The following STK33 variants were observed in gnomAD, a reference collection of about 807,000 sequenced individuals.
STK33 encodes the protein serine/threonine kinase 33.
STK33 carries 52 observed loss-of-function variants against 58.0 expected under a neutral mutation model. The ratio of observed to expected loss-of-function variants is 0.90; its 90% CI spans 0.72 to 1.13. STK33 has a LOEUF of 1.13. STK33 is among the 50% of genes most tolerant of loss of function. The pLI, the probability that STK33 is intolerant of heterozygous loss-of-function variation, is 0.00. For missense variants in STK33, 630 were observed against 604.2 expected, an observed-to-expected ratio of 1.04 and a Z score of -0.45; for synonymous variants, 215 against 200.1, an observed-to-expected ratio of 1.07 and a Z score of -0.63.
intron 15 of STK33, among the ~76,000 whole-genome samples, chr11:8,395,577 C>G (rs1849189852): frequency 6.6e-6 from 1 of 152,122 alleles, no homozygotes; most frequent in Non-Finnish European, 1.5e-5. Context: ...TCTTTTACAC[C>G]TTGACTTTTT....
chr11:8,428,549 T>C (rs1943044990), intron 14 of STK33, among the ~76,000 whole-genome samples: 1 of 152,072 alleles, frequency 6.6e-6, no homozygotes, highest in Non-Finnish European at 1.5e-5. Flanking sequence ...GGAACCAGAG[T>C]CTCCTCCAGC....
chr11:8,424,295 A>C (rs1942394150), intron 14 of STK33, among the ~76,000 whole-genome samples: 1 of 147,054 alleles, frequency 6.8e-6, no homozygotes, highest in Non-Finnish European at 1.5e-5. Context: ...AGCTTCATCC[A>C]TGTCCCTACA....
chr11:8,453,871 C>T (rs545247480), intron 10 of STK33, among the ~76,000 whole-genome samples: 2 of 152,240 alleles, frequency 1.3e-5, no homozygotes, highest in South Asian at 4.1e-4. Context: ...CATATGATAC[C>T]TATCTTTCTT....
At chr11:8,412,120 G>A (rs1201989962) in intron 15 of STK33, among the ~76,000 whole-genome samples, 3 of 152,150 alleles carry the variant, frequency 2.0e-5, no homozygotes, top group East Asian at 3.9e-4. Flanking sequence ...ATATGTAGAT[G>A]TATGTATGTG....
the STK33 span, among the ~76,000 whole-genome samples, chr11:8,337,010 C>T: frequency 1.3e-5 from 2 of 152,246 alleles, no homozygotes; most frequent in Non-Finnish European, 2.9e-5. Context: ...GCCCAGGCCT[C>T]AATCGTGATC....
At chr11:8,376,233 G>A in the STK33 span, among the ~76,000 whole-genome samples, 1 of 152,182 alleles carries the variant, frequency 6.6e-6, no homozygotes, top group Non-Finnish European at 1.5e-5. Context: ...CTGGGCAGGA[G>A]GGGGCAGAAG....
At chr11:8,398,883 A>G (rs533464555) in intron 15 of STK33, among the ~76,000 whole-genome samples, 5 of 152,338 alleles carry the variant, frequency 3.3e-5, no homozygotes, top group African/African-American at 1.2e-4. Flanking sequence ...CCATTACTTA[A>G]TGGTAAAGGG....
intron 15 of STK33, among the ~76,000 whole-genome samples, chr11:8,401,023 C>T (rs80337927): frequency 4.3e-4 from 65 of 152,174 alleles, no homozygotes; most frequent in South Asian, 1.7e-3. Flanking sequence ...GAATCAATAT[C>T]GTGAAAATGG....
intron 1 of STK33, among the ~76,000 whole-genome samples, chr11:8,526,761 A>C (rs1476414542): frequency 1.3e-5 from 2 of 151,664 alleles, no homozygotes; most frequent in African/African-American, 4.8e-5. Flanking sequence ...AAAAACACAC[A>C]CACACACAAA....
At chr11:8,454,399 C>T (rs1051336975) in intron 10 of STK33, among the ~76,000 whole-genome samples, 9 of 152,098 alleles carry the variant, frequency 5.9e-5, no homozygotes, top group East Asian at 5.8e-4. Flanking sequence ...CAAAAGCACA[C>T]GCAAGGTGTG....
chr11:8,525,230 G>A (rs537601495), intron 1 of STK33, among the ~76,000 whole-genome samples: 1 of 152,260 alleles, frequency 6.6e-6, no homozygotes, highest in South Asian at 2.1e-4. Flanking sequence ...ACTCCAATAG[G>A]TGTGTATATG....
chr11:8,440,438 ATTG>A (rs1564971886), intron 12 of STK33, among the ~76,000 whole-genome samples: 1 of 152,154 alleles, frequency 6.6e-6, no homozygotes, highest in Non-Finnish European at 1.5e-5. Flanking sequence ...CTCAGATCAT[ATTG>A]TTGTATTTAT....
intron 1 of STK33, among the ~76,000 whole-genome samples, chr11:8,513,477 C>T (rs913634636): frequency 2.0e-5 from 3 of 152,102 alleles, no homozygotes; most frequent in Non-Finnish European, 4.4e-5. Flanking sequence ...ACTGTATCAA[C>T]CAAAAACAGA....
At chr11:8,388,291 T>C (rs1848571860), downstream of STK33, among the ~76,000 whole-genome samples, 1 of 152,052 alleles carries the variant, frequency 6.6e-6, no homozygotes, top group Non-Finnish European at 1.5e-5. Context: ...TTCAGGGAAA[T>C]ATGGAGAACT....
chr11:8,536,178 A>G (rs991373475), intron 1 of STK33, among the ~76,000 whole-genome samples: 1 of 152,156 alleles, frequency 6.6e-6, no homozygotes, highest in Non-Finnish European at 1.5e-5. Flanking sequence ...AAATAAATTC[A>G]ATGTTTGATA....
intron 15 of STK33, among the ~76,000 whole-genome samples, chr11:8,409,929 G>GT (rs1939925343): frequency 6.6e-6 from 1 of 152,060 alleles, no homozygotes; most frequent in East Asian, 1.9e-4. Flanking sequence ...CATAAAGCTT[G>GT]TAAGTGGTGA....
intron 15 of STK33, among the ~76,000 whole-genome samples, chr11:8,398,120 G>A (rs1849700750): frequency 6.6e-6 from 1 of 152,126 alleles, no homozygotes; most frequent in Non-Finnish European, 1.5e-5. Flanking sequence ...ATGCCACAAA[G>A]ATACTCCTCG....
intron 1 of STK33, among the ~76,000 whole-genome samples, chr11:8,482,624 T>C (rs1369625666): frequency 1.3e-5 from 2 of 152,214 alleles, no homozygotes; most frequent in Non-Finnish European, 2.9e-5. Context: ...GAATGAGAGA[T>C]ACCAGGGTTT....
chr11:8,346,286 C>T, the STK33 span, among the ~76,000 whole-genome samples: 3 of 152,222 alleles, frequency 2.0e-5, no homozygotes, highest in Non-Finnish European at 2.9e-5. Context: ...TACGGGGCAC[C>T]GTGAGCCCCA....
Sources: gnomAD v4.1 joint callset for allele counts (sites outside exome capture counted in the v4.1 genomes callset) on GRCh38, gnomAD v4.1.1 for gene constraint, MANE v1.5 for transcripts, NCBI Gene and HGNC (gene_info 2026-07-23, HGNC 2026-07-21) for gene names.